The following CREBBP variants were observed in gnomAD, a reference collection of about 807,000 sequenced individuals.
CREBBP encodes CREB binding lysine acetyltransferase.
Under a neutral mutation model 265.0 loss-of-function variants are expected in CREBBP, and 19 were observed. The ratio of observed to expected loss-of-function variants is 0.07; its 90% CI spans 0.05 to 0.11. The LOEUF (loss-of-function observed/expected upper bound fraction) is 0.11. Ranked by LOEUF, CREBBP falls within the 10% of genes least tolerant of loss-of-function variation. The pLI is 1.00. For synonymous variants in CREBBP, 1,457 were observed against 1,223.7 expected (o/e 1.19, Z -3.98); for missense variants, 2,525 against 3,219.0 (o/e 0.78, Z 5.22).
At chr16:3,751,638 G>GT in intron 20 of CREBBP, 88 bp downstream of exon 20, 1 of 1,320,078 alleles carries the variant, frequency 7.6e-7, no homozygotes, top group Non-Finnish European at 1.1e-6. Context: ...AATGGCACCG[G>GT]TACCTTCCTT....
chr16:3,851,091 T>C, intron 1 of CREBBP, 82 bp from the exon 2 acceptor site: 1 of 1,178,750 alleles, frequency 8.5e-7, no homozygotes, highest in African/African-American at 1.5e-5. Context: ...GATCTTAACC[T>C]AATGGGGCAT....
intron 13 of CREBBP, among the ~76,000 whole-genome samples, chr16:3,772,824 C>A (rs1241057501): frequency 1.4e-5 from 2 of 147,800 alleles, no homozygotes; most frequent in Non-Finnish European, 3.0e-5. Context: ...AATCCCAGCA[C>A]TTTGGGAGGC....
intron 1 of CREBBP, among the ~76,000 whole-genome samples, chr16:3,872,425 C>T (rs1291180961): frequency 6.6e-6 from 1 of 152,138 alleles, no homozygotes; most frequent in Non-Finnish European, 1.5e-5. Context: ...CAGCAGAGCA[C>T]GGCCCCAGGG....
intron 1 of CREBBP, among the ~76,000 whole-genome samples, chr16:3,856,637 A>G (rs2054969855): frequency 6.6e-6 from 1 of 152,204 alleles, no homozygotes; most frequent in Admixed American, 6.5e-5. Flanking sequence ...ACTTTTAAAA[A>G]TGCAGTGTTC....
At chr16:3,790,751 C>T (rs1003227613) in intron 5 of CREBBP, among the ~76,000 whole-genome samples, 3 of 152,154 alleles carry the variant, frequency 2.0e-5, no homozygotes, top group African/African-American at 7.2e-5. Context: ...ACAGGGACAC[C>T]CTGCTTTAAA....
At chr16:3,811,594 C>T (rs1455881140) in intron 2 of CREBBP, among the ~76,000 whole-genome samples, 1 of 152,118 alleles carries the variant, frequency 6.6e-6, no homozygotes, top group Admixed American at 6.5e-5. Flanking sequence ...TGGGTTCAAG[C>T]GATTCTCTTG....
chr16:3,852,182 T>A (rs2054865134), intron 1 of CREBBP, among the ~76,000 whole-genome samples: 2 of 121,604 alleles, frequency 1.6e-5, no homozygotes, highest in African/African-American at 7.3e-5. Context: ...TTTTTTTTTT[T>A]GAGACAGAGT....
chr16:3,815,231 A>G (rs1460509622), intron 2 of CREBBP, among the ~76,000 whole-genome samples: 1 of 152,168 alleles, frequency 6.6e-6, no homozygotes, highest in African/African-American at 2.4e-5. Context: ...ATTTCTTTAA[A>G]CGTCCCAACA....
intron 19 of CREBBP, 28 bp downstream of exon 19, chr16:3,757,260 A>G (rs2052608682): frequency 1.3e-6 from 2 of 1,559,158 alleles, no homozygotes; most frequent in Non-Finnish European, 1.8e-6. Context: ...GCCCTAAGAC[A>G]TAATGCAGGA....
intron 1 of CREBBP, among the ~76,000 whole-genome samples, chr16:3,853,767 T>G (rs1195681339): frequency 6.6e-6 from 1 of 151,142 alleles, no homozygotes; most frequent in Admixed American, 6.6e-5. Context: ...CGAAGCCCTA[T>G]CTCTACTAAA....
At chr16:3,744,746 T>C (rs2052299691) in intron 23 of CREBBP, 148 bp downstream of exon 23, 1 of 714,314 alleles carries the variant, frequency 1.4e-6, no homozygotes, top group Admixed American at 2.1e-5. Context: ...ACAAGAAAAA[T>C]ACAAAGTACT....
Position 3,731,589 on chromosome 16 carries a change from C to A in CREBBP, c.4891-116G>T. 7.0e-7 allele frequency: 1 copy of A among 1,429,526 alleles called. No homozygotes were observed. The highest frequency in any genetic ancestry group is 9.6e-7 in the Non-Finnish European group (1 of 1,037,950). 88.6% of individuals were successfully genotyped at this position (1,429,526 alleles called of 1,614,324 possible). On this transcript the variant is annotated intron_variant, in intron 29 of 30. Coordinates refer to ENST00000262367, the MANE Select transcript of CREBBP (RefSeq NM_004380.3). This position sits in a 1 kb window ranked among gnomAD's most constrained non-coding sequence, Gnocchi z 7.7. ...ATAGGCAGGTGGCTGAGCCTGATGGCCCTGATGCCTTGGGATGGAACAAAA... is the reference window on the plus strand; with the variant it reads ...ATAGGCAGGTGGCTGAGCCTGATGGACCTGATGCCTTGGGATGGAACAAAA...
chr16:3,773,747 G>A lies in CREBBP; in HGVS notation c.2463+4C>T, dbSNP rs752289713. 1.1e-5 allele frequency: 18 copies of A among 1,613,888 alleles called. No individual in the cohort carries two copies. The highest frequency in any genetic ancestry group is 2.7e-5 in the African/African-American group (2 of 74,928). ...GGAGCCACGGTCCCAGTGGGGCACA[G>A]TACCTGTGACACGCCTGTTTGGGCT... On this transcript the variant is annotated splice_donor_region_variant and intron_variant, in intron 13 of 30. Coordinates refer to ENST00000262367, the MANE Select transcript of CREBBP (RefSeq NM_004380.3).
chr16:3,798,807 A>G (rs2053656638), intron 3 of CREBBP, among the ~76,000 whole-genome samples: 1 of 152,244 alleles, frequency 6.6e-6, no homozygotes, highest in Non-Finnish European at 1.5e-5. Context: ...AAATTACCAC[A>G]TGACCTCTGC....
intron 3 of CREBBP, among the ~76,000 whole-genome samples, 193 bp downstream of exon 3, chr16:3,810,410 A>G (rs542232914): frequency 6.6e-6 from 1 of 152,018 alleles, no homozygotes; most frequent in African/African-American, 2.4e-5. Flanking sequence ...ATCCTCACCT[A>G]TCTCTCCTGT....
At chr16:3,820,562 C>T (rs1389959627) in intron 2 of CREBBP, among the ~76,000 whole-genome samples, 1 of 152,230 alleles carries the variant, frequency 6.6e-6, no homozygotes, top group Non-Finnish European at 1.5e-5. Context: ...TTTAGCAACT[C>T]TCACTGTATT....
intron 1 of CREBBP, among the ~76,000 whole-genome samples, chr16:3,859,843 G>A (rs779956972): frequency 6.6e-6 from 1 of 152,200 alleles, no homozygotes; most frequent in African/African-American, 2.4e-5. Context: ...CCTATCACCT[G>A]ATATTCAGTG....
rs557847687 is a variant in CREBBP at position 3,855,249 on chromosome 16, T to C, written c.86-4240A>G. On this transcript the variant is annotated intron_variant, in intron 1 of 30. Transcript: ENST00000262367. The stretch of plus-strand genomic sequence containing the variant: ...ATCAAAGGTTCCCTGGCCTTTGTCT[T>C]TCGTAAGTGACATTTTATTCTTATT... Among the ~76,000 whole-genome samples, 74 of 152,312 alleles carry C rather than the reference T, an allele frequency of 4.9e-4. 3 individuals carry two copies. In the South Asian group the frequency reaches 0.015, roughly 30 times the overall value.
Position 3,725,266 on chromosome 16 carries a change from C to T in CREBBP, c.*2452G>A, listed in dbSNP as rs1037098827. The stretch of plus-strand genomic sequence containing the variant: ...CCATGCTCTCGGTCACATCCTTCGA[C>T]ATCTGGATTGCCCAAGACGGTTGCA... On this transcript the variant is annotated 3_prime_UTR_variant, in exon 31 of 31. Coordinates refer to ENST00000262367, the MANE Select transcript of CREBBP (RefSeq NM_004380.3). 4.7e-5 allele frequency: 11 copies of T among 233,452 alleles called. No homozygotes were observed. Among genetic ancestry groups the T allele is most frequent in the African/African-American group, 2.4e-4 (11 of 45,472 alleles). The allele number at this position is 233,452 out of a possible 1,614,324, so 14.5% of individuals were successfully genotyped here. A position where few individuals can be genotyped will look rare whatever the true frequency, so the allele number is the denominator to read the frequency against.
Sources: gnomAD v4.1 joint callset for allele counts (sites outside exome capture counted in the v4.1 genomes callset) on GRCh38, gnomAD v4.1.1 for gene constraint, Gnocchi (gnomAD v3.1) non-coding constraint, MANE v1.5 for transcripts, NCBI Gene and HGNC (gene_info 2026-07-23, HGNC 2026-07-21) for gene names.